PDZD2: variants seen among roughly 807,000 people sequenced by gnomAD.
PDZD2 encodes the protein PDZ domain-containing protein 2.
Under a neutral mutation model 220.7 loss-of-function variants are expected in PDZD2, and 90 were observed. The observed-to-expected ratio is 0.41, with a 90% CI of 0.34 to 0.49. PDZD2 has a LOEUF of 0.49. Ranked by LOEUF, PDZD2 falls within the 20% of genes least tolerant of loss-of-function variation. The probability of loss-of-function intolerance (pLI) is 0.28; values close to 1 mark genes in which losing one functional copy is unlikely to be tolerated. For missense variants in PDZD2, 3,174 were observed against 3,608.5 expected, an observed-to-expected ratio of 0.88 and a Z score of 3.08; for synonymous variants, 1,375 against 1,450.5, an observed-to-expected ratio of 0.95 and a Z score of 1.18.
intron 5 of PDZD2, among the ~76,000 whole-genome samples, chr5:32,008,114 A>AC (rs1198261646): frequency 3.3e-5 from 5 of 149,430 alleles, no homozygotes; most frequent in South Asian, 4.3e-4. Context: ...ACATAGCGAG[A>AC]CCCCATCTCT....
At chr5:31,890,072 A>C in intron 2 of PDZD2, among the ~76,000 whole-genome samples, 1 of 148,150 alleles carries the variant, frequency 6.7e-6, no homozygotes, top group Admixed American at 6.8e-5. Flanking sequence ...AAAACAAACA[A>C]ACAAAACCGT....
chr5:31,840,396 T>TTTTA (rs1757197056), intron 2 of PDZD2: 1 of 19,302 alleles, frequency 5.2e-5, no homozygotes, highest in Non-Finnish European at 8.1e-5. Flanking sequence ...GTCATTTTCA[T>TTTTA]TATATATATA....
At chr5:31,853,463 T>C (rs554242350) in intron 2 of PDZD2, among the ~76,000 whole-genome samples, 126 of 152,290 alleles carry the variant, frequency 8.3e-4, no homozygotes, top group African/African-American at 3.0e-3. Flanking sequence ...GGGTTGGCTG[T>C]TGTGCCCACC....
chr5:31,849,869 TAC>T lies in PDZD2; in HGVS notation c.476+50147_476+50148del, dbSNP rs1295702272. On this transcript the variant is annotated intron_variant, in intron 2 of 24. Transcript: ENST00000438447. ...TCTCTCTCTCTCTCTCATATATATA[TAC>T]ATATATATATATATATACACATATA... 5.5e-4 allele frequency among the ~76,000 whole-genome samples: 34 copies of T among 61,630 alleles called. 1 individual carries two copies. The highest frequency in any genetic ancestry group is 5.1e-3 in the African/African-American group (32 of 6,228). The allele number at this position is 61,630 out of a possible 152,430, so 40.4% of individuals were successfully genotyped here. A position where few individuals can be genotyped will look rare whatever the true frequency, so the allele number is the denominator to read the frequency against.
chr5:32,086,215 G>T (rs192915507), intron 19 of PDZD2, among the ~76,000 whole-genome samples: 2 of 152,186 alleles, frequency 1.3e-5, no homozygotes, highest in Non-Finnish European at 2.9e-5. Context: ...CACTTGGACT[G>T]TTTTACACTG....
At chr5:31,719,670 A>G (rs1175828513) in intron 1 of PDZD2, among the ~76,000 whole-genome samples, 2 of 152,230 alleles carry the variant, frequency 1.3e-5, no homozygotes, top group African/African-American at 2.4e-5. Context: ...GGGAACAAAT[A>G]GTACTTTTCA....
Position 31,646,037 on chromosome 5 carries a change from T to C in PDZD2, c.-361+6600T>C, listed in dbSNP as rs1745124165. On this transcript the variant is annotated intron_variant, in intron 1 of 24. Transcript: ENST00000438447. This position sits in a 1 kb window ranked among gnomAD's most constrained non-coding sequence, Gnocchi z 4.7. ...GGAGGAGAGAGGGTGTCAGGGAGCT[T>C]TGCACTGCGGGGGGGCCTTCTCACT... Among the ~76,000 whole-genome samples, 1 of 72,858 alleles carries C rather than the reference T, an allele frequency of 1.4e-5. No individual in the cohort carries two copies. Among genetic ancestry groups the C allele is most frequent in the African/African-American group, 2.7e-5 (1 of 36,812 alleles). The allele number at this position is 72,858 out of a possible 152,430, so 47.8% of individuals were successfully genotyped here.
intron 1 of PDZD2, among the ~76,000 whole-genome samples, chr5:31,734,949 T>C (rs919821628): frequency 3.3e-5 from 5 of 152,220 alleles, no homozygotes; most frequent in African/African-American, 1.2e-4. Flanking sequence ...CTCGAGGATT[T>C]TTTGTTTACA....
chr5:32,026,561 A>G (rs1416297977), intron 6 of PDZD2, among the ~76,000 whole-genome samples: 4 of 152,212 alleles, frequency 2.6e-5, no homozygotes, highest in African/African-American at 9.7e-5. Flanking sequence ...ACGCACGCAC[A>G]CACACACACA....
At chr5:31,985,035 A>G (rs1358000000) in intron 3 of PDZD2, among the ~76,000 whole-genome samples, 1 of 152,100 alleles carries the variant, frequency 6.6e-6, no homozygotes, top group Non-Finnish European at 1.5e-5. Flanking sequence ...TTGTAAATAG[A>G]ATGTATGAAT....
chr5:31,762,032 C>G (rs1437712566), intron 1 of PDZD2, among the ~76,000 whole-genome samples: 2 of 152,098 alleles, frequency 1.3e-5, no homozygotes, highest in Non-Finnish European at 2.9e-5. Context: ...AGGTGCCACA[C>G]ACTTTTAAAC....
At chr5:31,912,706 CAAAGG>C (rs1164471709) in intron 2 of PDZD2, among the ~76,000 whole-genome samples, 1 of 152,204 alleles carries the variant, frequency 6.6e-6, no homozygotes, top group Non-Finnish European at 1.5e-5. Flanking sequence ...CTCAACCACT[CAAAGG>C]AAACCCACTC....
chr5:31,731,561 GA>G (rs1421429028), intron 1 of PDZD2, among the ~76,000 whole-genome samples: 1 of 152,128 alleles, frequency 6.6e-6, no homozygotes, highest in Non-Finnish European at 1.5e-5. Flanking sequence ...TTATATAAGT[GA>G]AATAATACAA....
At chr5:31,974,368 A>G (rs1749567532) in intron 2 of PDZD2, among the ~76,000 whole-genome samples, 1 of 152,230 alleles carries the variant, frequency 6.6e-6, no homozygotes, top group African/African-American at 2.4e-5. Flanking sequence ...AAAGAAAAAA[A>G]AAATTATTTT....
At chr5:32,041,071 GCGCCTCTGTCCGGCCGCCC>G (rs1399922947) in intron 7 of PDZD2, among the ~76,000 whole-genome samples, 230 of 143,008 alleles carry the variant, frequency 1.6e-3, no homozygotes, top group African/African-American at 5.5e-3. Flanking sequence ...GAAGTGGGGA[GCGCCTCTGTCCGGCCGCCC>G]CATCTAGGAA....
At chr5:31,780,020 G>T (rs2150208397) in intron 1 of PDZD2, among the ~76,000 whole-genome samples, 1 of 152,262 alleles carries the variant, frequency 6.6e-6, no homozygotes, top group East Asian at 1.9e-4. Context: ...GTACCCCTTA[G>T]AAGCCCTGAG....
In PDZD2 at chr5:32,098,127, G is replaced by A. The variant is rs1188478666; in HGVS notation, c.7948-237G>A. On this transcript the variant is annotated intron_variant, in intron 22 of 24. Transcript: ENST00000438447. This position sits in a 1 kb window ranked among gnomAD's most constrained non-coding sequence, Gnocchi z 4.1. ...ACAAAAATTAACTTGGCATAGTGGT[G>A]TGTGCCTATAATCCCAGCTACTCAG... Among the ~76,000 whole-genome samples the A allele has an allele frequency of 1.3e-5, 2 of 152,122 alleles. No homozygotes were observed. Among genetic ancestry groups the A allele is most frequent in the Admixed American group, 1.3e-4 (2 of 15,282 alleles).
At chr5:31,880,613 A>C (rs1739777449) in intron 2 of PDZD2, among the ~76,000 whole-genome samples, 1 of 152,012 alleles carries the variant, frequency 6.6e-6, no homozygotes, top group African/African-American at 2.4e-5. Flanking sequence ...CTCTGTACTA[A>C]ATACCAATGT....
At chr5:31,966,798 G>A (rs1000365593) in intron 2 of PDZD2, among the ~76,000 whole-genome samples, 3 of 152,142 alleles carry the variant, frequency 2.0e-5, no homozygotes, top group Admixed American at 2.0e-4. Flanking sequence ...GGGGAGGAAG[G>A]TCACAGAACT....
Sources: gnomAD v4.1 joint callset for allele counts (sites outside exome capture counted in the v4.1 genomes callset) on GRCh38, gnomAD v4.1.1 for gene constraint, Gnocchi (gnomAD v3.1) non-coding constraint, MANE v1.5 for transcripts, NCBI Gene and HGNC (gene_info 2026-07-23, HGNC 2026-07-21) for gene names.